The following GSN variants were observed in gnomAD, a reference collection of about 807,000 sequenced individuals.
GSN encodes actin-depolymerizing factor.
In GSN, 56 loss-of-function variants were observed where a neutral mutation model predicts 85.7. The observed-to-expected ratio is 0.65, with a 90% CI of 0.53 to 0.82. The LOEUF (loss-of-function observed/expected upper bound fraction) is 0.82, where lower values mean the gene tolerates loss of function less well. Among genes scored for constraint, GSN ranks in the 40% least tolerant of loss-of-function variants. The probability of loss-of-function intolerance (pLI) is 0.00; values close to 1 mark genes in which losing one functional copy is unlikely to be tolerated. For missense variants in GSN, 857 were observed against 979.8 expected (o/e 0.87, Z 1.67); for synonymous variants, 373 against 399.1 (o/e 0.93, Z 0.78).
At chr9:121,219,569 T>C (rs953017383) in intron 4 of GSN, among the ~76,000 whole-genome samples, 5 of 152,136 alleles carry the variant, frequency 3.3e-5, no homozygotes, top group Non-Finnish European at 5.9e-5. Flanking sequence ...AACCAGGGTG[T>C]GGGTCAAGCT....
chr9:121,287,665 C>T (rs1474825527), intron 2 of GSN, among the ~76,000 whole-genome samples: 1 of 147,946 alleles, frequency 6.8e-6, no homozygotes, highest in Non-Finnish European at 1.5e-5. Flanking sequence ...CAGAATAGTA[C>T]ACAGGAAGCG....
intron 1 of GSN, among the ~76,000 whole-genome samples, chr9:121,274,626 G>A (rs920723800): frequency 2.0e-5 from 3 of 152,220 alleles, no homozygotes; most frequent in Non-Finnish European, 2.9e-5. Flanking sequence ...GAGAGTTTGG[G>A]CTCAACTCCT....
At chr9:121,202,073 G>A in the GSN span, among the ~76,000 whole-genome samples, 1 of 152,224 alleles carries the variant, frequency 6.6e-6, no homozygotes, top group Non-Finnish European at 1.5e-5. Context: ...CGCGCCCGGA[G>A]GGAAGGTGGA....
chr9:121,253,330 C>A (rs374351758), intron 6 of GSN, among the ~76,000 whole-genome samples: 1 of 152,226 alleles, frequency 6.6e-6, no homozygotes, highest in South Asian at 2.1e-4. Flanking sequence ...TTGTCCCTAT[C>A]TGTTTGTAAC....
chr9:121,211,236 T>G (rs1366513211), intron 4 of GSN, among the ~76,000 whole-genome samples: 7 of 152,190 alleles, frequency 4.6e-5, no homozygotes, highest in African/African-American at 1.7e-4. Flanking sequence ...GTTCTGAAGA[T>G]GGATAGTGGT....
At chr9:121,276,225 G>A (rs893591965) in intron 1 of GSN, among the ~76,000 whole-genome samples, 1 of 152,232 alleles carries the variant, frequency 6.6e-6, no homozygotes, top group Non-Finnish European at 1.5e-5. Context: ...GCACACATCT[G>A]TGTGTTCATG....
At chr9:121,264,899 C>T (rs1274017181), upstream of GSN, among the ~76,000 whole-genome samples, 1 of 152,192 alleles carries the variant, frequency 6.6e-6, no homozygotes, top group African/African-American at 2.4e-5. Flanking sequence ...AACAAAGATT[C>T]CAGCTTGCTG....
At chr9:121,274,252 A>G (rs890965283) in intron 1 of GSN, among the ~76,000 whole-genome samples, 14 of 151,878 alleles carry the variant, frequency 9.2e-5, no homozygotes, top group Middle Eastern at 3.4e-3. Flanking sequence ...CTTGCCTCCT[A>G]CTTTTTTTTT....
chr9:121,244,916 G>A (rs1295904566), intron 5 of GSN, among the ~76,000 whole-genome samples: 1 of 151,976 alleles, frequency 6.6e-6, no homozygotes, highest in African/African-American at 2.4e-5. Flanking sequence ...AGAAAGGAAG[G>A]TACAGGGATG....
chr9:121,247,764 G>A (rs2054729724), intron 5 of GSN, among the ~76,000 whole-genome samples: 1 of 152,130 alleles, frequency 6.6e-6, no homozygotes, highest in East Asian at 1.9e-4. Context: ...AATTGACTTA[G>A]TTGTTACACT....
rs560856999 is a variant in GSN at position 121,299,249 on chromosome 9, C to T, written c.-9-2714C>T. On this transcript the variant is annotated intron_variant, in intron 2 of 17. Coordinates refer to ENST00000432226, the MANE Select transcript of GSN (RefSeq NM_198252.3). This position sits in a 1 kb window ranked among gnomAD's most constrained non-coding sequence, Gnocchi z 4.2. The stretch of plus-strand genomic sequence containing the variant: ...AGCGTTCTGCCCCGCCCCTCTGAGT[C>T]CTGCCGGCTTCACCTGCCCACGGGA... The T allele has an allele frequency of 2.8e-5, 27 of 976,542 alleles. No individual in the cohort carries two copies. The highest frequency in any genetic ancestry group is 3.3e-5 in the Non-Finnish European group (27 of 821,824). The allele number at this position is 976,542 out of a possible 1,614,324, so 60.5% of individuals were successfully genotyped here. A position where few individuals can be genotyped will look rare whatever the true frequency, so the allele number is the denominator to read the frequency against.
At position 121,258,464 on chromosome 9, in the gene GSN, GAA is replaced by G. The variant is rs11283976; in HGVS notation, c.-340-6677_-340-6676del. The stretch of plus-strand genomic sequence containing the variant: ...GGCGACAGAGTGAGACTCCTTATCA[GAA>G]AAAAAAAAAAAACTATATTGAAGAT... On this transcript the variant is annotated intron_variant, in intron 6 of 24. Transcript: ENST00000373823. Among the ~76,000 whole-genome samples, 483 of 145,092 alleles carry G rather than the reference GAA, an allele frequency of 3.3e-3. 1 individual carries two copies. Among genetic ancestry groups the G allele is most frequent in the Middle Eastern group, 0.014 (4 of 280 alleles).
chr9:121,307,060 A>G lies in GSN; in HGVS notation c.352-3624A>G, dbSNP rs199549364. 1.8e-4 allele frequency among the ~76,000 whole-genome samples: 27 copies of G among 152,290 alleles called. No individual in the cohort carries two copies. In the East Asian group the frequency reaches 4.8e-3, roughly 27 times the overall value. On this transcript the variant is annotated intron_variant, in intron 4 of 17. Coordinates refer to ENST00000432226, the MANE Select transcript of GSN (RefSeq NM_198252.3). The stretch of plus-strand genomic sequence containing the variant: ...GCCGGGCGTGGTGGCGGGTGCCCGT[A>G]ATCTCAGCGACTCAGGAGGCTGAGG...
intron 11 of GSN, among the ~76,000 whole-genome samples, chr9:121,322,517 C>T (rs1589167335): frequency 6.6e-6 from 1 of 152,224 alleles, no homozygotes; most frequent in East Asian, 1.9e-4. Flanking sequence ...CTTAAACAAA[C>T]ATCACTTTGA....
chr9:121,242,759 G>A (rs1434112434), intron 5 of GSN, among the ~76,000 whole-genome samples: 1 of 152,110 alleles, frequency 6.6e-6, no homozygotes, highest in African/African-American at 2.4e-5. Context: ...GAGGAAGCCT[G>A]ATTACTTTGG....
chr9:121,296,786 C>G (rs1025557621), intron 2 of GSN, among the ~76,000 whole-genome samples: 1 of 152,226 alleles, frequency 6.6e-6, no homozygotes, highest in African/African-American at 2.4e-5. Context: ...GGTCTCCACT[C>G]ATCAGTGCCC....
chr9:121,251,859 G>T (rs2054844880), intron 6 of GSN, among the ~76,000 whole-genome samples: 1 of 152,078 alleles, frequency 6.6e-6, no homozygotes, highest in Admixed American at 6.5e-5. Flanking sequence ...TACTCAGGAG[G>T]CTGAGGCAGG....
rs1200745134 is a variant in GSN, at chr9:121,261,447, A to T, written c.-340-3707A>T. Among the ~76,000 whole-genome samples, 1 of 152,216 alleles carries T rather than the reference A, an allele frequency of 6.6e-6. No individual in the cohort carries two copies. Reference sequence around the variant, plus strand: ...TGAAAGGCAGTGGCTTTGGAGCAAAACCTGGGTTCCAGTCCCAGCTCTGCC... The same window carrying T: ...TGAAAGGCAGTGGCTTTGGAGCAAATCCTGGGTTCCAGTCCCAGCTCTGCC... On this transcript the variant is annotated intron_variant, in intron 6 of 24. Coordinates refer to the GSN transcript ENST00000373823. This position sits in a 1 kb window ranked among gnomAD's most constrained non-coding sequence, Gnocchi z 4.1.
chr9:121,215,693 C>CAA (rs199936004), intron 4 of GSN, among the ~76,000 whole-genome samples: 1 of 124,550 alleles, frequency 8.0e-6, no homozygotes, highest in African/African-American at 3.0e-5. Flanking sequence ...GACTCTGTTT[C>CAA]AAAAAAAAAA....
Sources: gnomAD v4.1 joint callset for allele counts (sites outside exome capture counted in the v4.1 genomes callset) on GRCh38, gnomAD v4.1.1 for gene constraint, Gnocchi (gnomAD v3.1) non-coding constraint, MANE v1.5 for transcripts, NCBI Gene and HGNC (gene_info 2026-07-23, HGNC 2026-07-21) for gene names.